The following SLC12A8 variants were observed in gnomAD, a reference collection of about 807,000 sequenced individuals.
The protein encoded by SLC12A8 is cation-chloride cotransporter 9.
In SLC12A8, 69 loss-of-function variants were observed where a neutral mutation model predicts 75.6. The ratio of observed to expected loss-of-function variants is 0.91; its 90% CI spans 0.75 to 1.11. The LOEUF (loss-of-function observed/expected upper bound fraction) is 1.11. Ranked by LOEUF, SLC12A8 falls within the 50% of genes most tolerant of loss-of-function variation. The pLI, the probability that SLC12A8 is intolerant of heterozygous loss-of-function variation, is 0.00. For synonymous variants in SLC12A8, 365 were observed against 372.8 expected, an observed-to-expected ratio of 0.98 and a Z score of 0.24; for missense variants, 877 against 896.7, an observed-to-expected ratio of 0.98 and a Z score of 0.28.
rs775429836 is a variant in SLC12A8 at position 125,092,122 on chromosome 3, G to A, written c.1782C>T (p.Asn594=). 4 of 1,612,522 alleles carry A rather than the reference G, an allele frequency of 2.5e-6. No homozygotes were observed. The highest frequency in any genetic ancestry group is 3.3e-5 in the Admixed American group (2 of 59,966). ...TCACCCCCAACAGGGAGACCCAGGG[G>A]TTGCACATGTGGGTATAGAAAGAAG... The part of the protein sequence containing the change: ...RSTSFYTHMC[N]PWVSLLGAVG... Residue 594 remains asparagine (N), a synonymous_variant, in exon 11 of 14, where the codon AAC becomes AAT. Transcript: ENST00000469902.
chr3:125,148,484 G>A (rs572026807), intron 5 of SLC12A8, among the ~76,000 whole-genome samples: 1 of 152,002 alleles, frequency 6.6e-6, no homozygotes, highest in East Asian at 1.9e-4. Context: ...GGGCCCTGGA[G>A]TGAGGGTAGT....
chr3:125,208,747 T>TACAC (rs61130966), intron 2 of SLC12A8, among the ~76,000 whole-genome samples: 1,270 of 87,214 alleles, frequency 0.015, 15 homozygotes, highest in Non-Finnish European at 0.018. Flanking sequence ...CTGACCAATC[T>TACAC]ACACACACAC....
intron 12 of SLC12A8, 107 bp downstream of exon 12, chr3:125,091,332 C>G: frequency 1.4e-6 from 1 of 732,722 alleles, no homozygotes; most frequent in Non-Finnish European, 2.5e-6. Flanking sequence ...AAATGGGATT[C>G]ACATCTGAAT....
intron 5 of SLC12A8, among the ~76,000 whole-genome samples, chr3:125,148,401 T>C (rs7637299): frequency 0.22 from 33,764 of 151,944 alleles, 4,498 homozygotes; most frequent in African/African-American, 0.38. Context: ...CCAGGGAGCA[T>C]GAAGATCCAG....
At chr3:125,182,158 C>T (rs570080350) in intron 4 of SLC12A8, among the ~76,000 whole-genome samples, 7 of 152,236 alleles carry the variant, frequency 4.6e-5, no homozygotes, top group South Asian at 2.1e-4. Context: ...AACTTTGTCT[C>T]TACAAAAATA....
intron 5 of SLC12A8, among the ~76,000 whole-genome samples, chr3:125,173,784 C>A (rs546208338): frequency 8.2e-4 from 125 of 152,270 alleles, no homozygotes; most frequent in Middle Eastern, 6.8e-3. Flanking sequence ...CCAAAATATA[C>A]AAAGCACTCT....
chr3:125,155,665 G>C (rs1934032828), intron 5 of SLC12A8, among the ~76,000 whole-genome samples: 1 of 143,020 alleles, frequency 7.0e-6, no homozygotes, highest in African/African-American at 2.6e-5. Context: ...ACAGGAGGAT[G>C]GCATGAACCT....
intron 8 of SLC12A8, among the ~76,000 whole-genome samples, chr3:125,112,836 TAGTGTAG>T (rs1271618217): frequency 6.6e-6 from 1 of 152,192 alleles, no homozygotes; most frequent in African/African-American, 2.4e-5. Flanking sequence ...CTGATTTAAT[TAGTGTAG>T]AGTGAGACAC....
At chr3:125,195,261 C>A (rs190012810) in intron 2 of SLC12A8, among the ~76,000 whole-genome samples, 1 of 152,362 alleles carries the variant, frequency 6.6e-6, no homozygotes, top group Admixed American at 6.5e-5. Flanking sequence ...AAAGCTGCAT[C>A]TCTAACCCCT....
At chr3:125,189,354 G>A (rs1039647001) in intron 3 of SLC12A8, among the ~76,000 whole-genome samples, 1 of 152,186 alleles carries the variant, frequency 6.6e-6, no homozygotes, top group Non-Finnish European at 1.5e-5. Flanking sequence ...GGAGAATCCT[G>A]ACTAGTAGAT....
intron 5 of SLC12A8, among the ~76,000 whole-genome samples, chr3:125,154,024 AG>A (rs1219069916): frequency 2.6e-5 from 4 of 152,184 alleles, no homozygotes; most frequent in Admixed American, 1.3e-4. Flanking sequence ...CTGGGACTGC[AG>A]GCATGAGTCA....
At chr3:125,100,795 T>C (rs1325388656) in intron 10 of SLC12A8, among the ~76,000 whole-genome samples, 2 of 147,752 alleles carry the variant, frequency 1.4e-5, no homozygotes, top group East Asian at 2.0e-4. Context: ...GGGTGGATCA[T>C]GAGGTCAGGA....
intron 8 of SLC12A8, among the ~76,000 whole-genome samples, chr3:125,112,575 T>A (rs1169348654): frequency 6.6e-6 from 1 of 152,186 alleles, no homozygotes; most frequent in African/African-American, 2.4e-5. Context: ...CTTCATGACT[T>A]TGCTGTAATC....
At chr3:125,166,528 A>G (rs1934294200) in intron 5 of SLC12A8, among the ~76,000 whole-genome samples, 1 of 152,174 alleles carries the variant, frequency 6.6e-6, no homozygotes, top group African/African-American at 2.4e-5. Flanking sequence ...GTGGCAGACA[A>G]GGCCTCTGCG....
intron 2 of SLC12A8, among the ~76,000 whole-genome samples, chr3:125,201,080 G>T (rs1357489513): frequency 1.3e-5 from 2 of 152,128 alleles, no homozygotes; most frequent in Non-Finnish European, 2.9e-5. Flanking sequence ...GTTCGTGTGG[G>T]GAAGAAGACA....
intron 2 of SLC12A8, among the ~76,000 whole-genome samples, chr3:125,197,078 G>A (rs991313253): frequency 9.9e-5 from 15 of 152,122 alleles, no homozygotes; most frequent in Admixed American, 3.3e-4. Context: ...GGCAGAGAAC[G>A]TACAAAATGA....
rs571179202 is a variant in SLC12A8, at chr3:125,155,700, A to G, written c.623-19918T>C. Among the ~76,000 whole-genome samples the G allele has an allele frequency of 1.6e-4, 24 of 147,942 alleles. No individual in the cohort carries two copies. The South Asian group carries it at 3.2e-3, about 19-fold the overall frequency. ...TGGGAGGCGGAGCTTGCAGTGAGCCAAGATCACGCCACTGCACTCCAGCCT... is the reference window on the plus strand; with the variant it reads ...TGGGAGGCGGAGCTTGCAGTGAGCCGAGATCACGCCACTGCACTCCAGCCT... On this transcript the variant is annotated intron_variant, in intron 5 of 13. Coordinates refer to ENST00000469902, the MANE Select transcript of SLC12A8 (RefSeq NM_024628.6).
intron 7 of SLC12A8, among the ~76,000 whole-genome samples, chr3:125,120,363 T>A (rs1036923019): frequency 6.6e-6 from 1 of 152,064 alleles, no homozygotes; most frequent in African/African-American, 2.4e-5. Flanking sequence ...CGATCTGTGA[T>A]CTGGGTCCCG....
intron 2 of SLC12A8, among the ~76,000 whole-genome samples, chr3:125,208,758 A>G (rs1454995642): frequency 1.1e-5 from 1 of 93,002 alleles, no homozygotes; most frequent in African/African-American, 5.0e-5. Context: ...ACACACACAC[A>G]CACACACACA....
Sources: gnomAD v4.1 joint callset for allele counts (sites outside exome capture counted in the v4.1 genomes callset) on GRCh38, gnomAD v4.1.1 for gene constraint, MANE v1.5 for transcripts, NCBI Gene and HGNC (gene_info 2026-07-23, HGNC 2026-07-21) for gene names.